The following PLPP3 variants were observed in gnomAD, a reference collection of about 807,000 sequenced individuals.
PLPP3 encodes PAP2 beta.
A neutral mutation model predicts 29.6 loss-of-function variants in PLPP3; 6 were observed. The observed-to-expected ratio is 0.20, with a 90% confidence interval of 0.11 to 0.40. PLPP3 has a LOEUF of 0.40. Ranked by LOEUF, PLPP3 falls within the 10% of genes least tolerant of loss-of-function variation. The pLI is 1.00. For synonymous variants in PLPP3, 152 were observed against 159.7 expected (o/e 0.95, Z 0.36); for missense variants, 308 against 407.7 (o/e 0.76, Z 2.11).
In PLPP3 at chr1:56,496,335, G is replaced by A; in HGVS notation, c.*216C>T. The A allele has an allele frequency of 2.1e-6, 1 of 481,668 alleles. No individual in the cohort carries two copies. The highest frequency in any genetic ancestry group is 2.3e-5 in the South Asian group (1 of 43,994). The allele number at this position is 481,668 out of a possible 1,614,324, so 29.8% of individuals were successfully genotyped here. A position where few individuals can be genotyped will look rare whatever the true frequency, so the allele number is the denominator to read the frequency against. On this transcript the variant is annotated 3_prime_UTR_variant, in exon 6 of 6. Transcript: ENST00000371250. ...AACACTTAAACCAATTGCACATCCAGGACTCTGGCACTTGGTGTTAGTTTG... is the reference window on the plus strand; with the variant it reads ...AACACTTAAACCAATTGCACATCCAAGACTCTGGCACTTGGTGTTAGTTTG...
intron 1 of PLPP3, among the ~76,000 whole-genome samples, chr1:56,566,234 C>T (rs530832175): frequency 1.3e-5 from 2 of 152,116 alleles, no homozygotes; most frequent in Non-Finnish European, 2.9e-5. Context: ...GTTGCCAATG[C>T]GAAAGCCAGC....
In PLPP3 at chr1:56,509,521, T is replaced by A. The variant is rs557546767; in HGVS notation, c.810+2455A>T. Among the ~76,000 whole-genome samples, 8 of 152,188 alleles carry A rather than the reference T, an allele frequency of 5.3e-5. No individual in the cohort carries two copies. The South Asian group carries it at 1.7e-3, about 32-fold the overall frequency. ...AGTTACTTCTGTAAAATGGCTGTAG[T>A]ACAATGGCTTAATGTGACTAAAAGA... On this transcript the variant is annotated intron_variant, in intron 5 of 5. Coordinates refer to ENST00000371250, the MANE Select transcript of PLPP3 (RefSeq NM_003713.5).
rs1273479431 is a variant in PLPP3 at position 56,495,286 on chromosome 1, C to T, written c.*1265G>A. On this transcript the variant is annotated 3_prime_UTR_variant, in exon 6 of 6. Transcript: ENST00000371250. ...CAAGATCTAAACGCATTTCTTCCTT[C>T]CTCCTTTCCTCAAAGGTTCAGTAGA... is the stretch of plus-strand genomic sequence containing the variant. 1 of 152,598 alleles carries T rather than the reference C, an allele frequency of 6.6e-6. No homozygotes were observed. The highest frequency in any genetic ancestry group is 1.9e-4 in the East Asian group (1 of 5,186). The allele number at this position is 152,598 out of a possible 1,614,324, so 9.5% of individuals were successfully genotyped here.
intron 2 of PLPP3, among the ~76,000 whole-genome samples, chr1:56,530,161 A>C (rs1645878102): frequency 6.7e-6 from 1 of 148,482 alleles, no homozygotes. Flanking sequence ...ATATCACACC[A>C]CCATGCTTTT....
intron 1 of PLPP3, chr1:56,538,902 C>T (rs1645948174): frequency 9.0e-6 from 1 of 111,614 alleles, no homozygotes. Flanking sequence ...CGTATGAACT[C>T]ATGGCATAGT....
intron 1 of PLPP3, among the ~76,000 whole-genome samples, chr1:56,555,414 G>A (rs1646068058): frequency 8.5e-6 from 1 of 117,328 alleles, no homozygotes; most frequent in South Asian, 2.7e-4. Context: ...ACTTATGCAG[G>A]AGAAGGAAGG....
intron 1 of PLPP3, among the ~76,000 whole-genome samples, chr1:56,541,449 A>G (rs1202572682): frequency 6.6e-6 from 1 of 152,212 alleles, no homozygotes. Flanking sequence ...GGGTCCCCAT[A>G]TAAACTATTG....
At chr1:56,555,054 T>C (rs1395208169) in intron 1 of PLPP3, among the ~76,000 whole-genome samples, 2 of 152,180 alleles carry the variant, frequency 1.3e-5, no homozygotes, top group African/African-American at 2.4e-5. Flanking sequence ...TTTGTATTCA[T>C]GTGAGGAAAT....
intron 1 of PLPP3, chr1:56,538,363 G>A: frequency 3.4e-6 from 1 of 293,834 alleles, no homozygotes; most frequent in Non-Finnish European, 6.8e-6. Context: ...AAAAGGACCA[G>A]TTCTTTTACA....
At chr1:56,551,180 C>T (rs1450980935) in intron 1 of PLPP3, among the ~76,000 whole-genome samples, 1 of 152,158 alleles carries the variant, frequency 6.6e-6, no homozygotes, top group Non-Finnish European at 1.5e-5. Context: ...CAGATGTACA[C>T]AGGTATCCTT....
At chr1:56,571,173 T>C (rs1646195147) in intron 1 of PLPP3, among the ~76,000 whole-genome samples, 1 of 152,202 alleles carries the variant, frequency 6.6e-6, no homozygotes, top group Admixed American at 6.5e-5. Context: ...TCACTGTCAC[T>C]GGACAATTAC....
intron 1 of PLPP3, among the ~76,000 whole-genome samples, chr1:56,550,488 G>C (rs1646031045): frequency 1.3e-5 from 2 of 152,118 alleles, no homozygotes; most frequent in African/African-American, 2.4e-5. Context: ...TTCTCTCAGA[G>C]GGACAGAATG....
At chr1:56,551,299 C>CTTT (rs1396422800) in intron 1 of PLPP3, among the ~76,000 whole-genome samples, 7 of 138,698 alleles carry the variant, frequency 5.0e-5, no homozygotes, top group African/African-American at 8.0e-5. Context: ...TGGTTCGGTT[C>CTTT]GGTTCGGTTC....
rs2100249587 is a variant in PLPP3 at position 56,524,282 on chromosome 1, T to C, written c.570A>G (p.Glu190=). ...ATGCGGAGGTGGTGTCTCACCTGGC[T>C]TCCTGGACTTTGCTGTCATCACCTC... ...RCRGDDSKVQ[E]ARKSFFSGHA... Residue 190 remains glutamate, a synonymous_variant, in exon 3 of 6, where the codon GAA becomes GAG. Coordinates refer to ENST00000371250, the MANE Select transcript of PLPP3 (RefSeq NM_003713.5). This position sits in a 1 kb window ranked among gnomAD's most constrained non-coding sequence, Gnocchi z 4.3. 6.2e-7 allele frequency: 1 copy of C among 1,613,352 alleles called. No homozygotes were observed. Among genetic ancestry groups the C allele is most frequent in the East Asian group, 2.2e-5 (1 of 44,864 alleles).
intron 1 of PLPP3, among the ~76,000 whole-genome samples, chr1:56,537,404 C>A (rs1247217761): frequency 6.6e-6 from 1 of 152,084 alleles, no homozygotes; most frequent in Non-Finnish European, 1.5e-5. Flanking sequence ...CACTGTTCTA[C>A]AATACCCTGC....
At chr1:56,525,493 T>C (rs1417228092) in intron 2 of PLPP3, among the ~76,000 whole-genome samples, 1 of 152,198 alleles carries the variant, frequency 6.6e-6, no homozygotes, top group Non-Finnish European at 1.5e-5. Context: ...ACATTGCTTT[T>C]ATATTCTTTA....
chr1:56,504,293 GC>G lies in PLPP3; in HGVS notation c.811-7618del, dbSNP rs1172253960. Among the ~76,000 whole-genome samples, 5 of 152,166 alleles carry G rather than the reference GC, an allele frequency of 3.3e-5. No individual in the cohort carries two copies. The East Asian group carries it at 9.7e-4, about 29-fold the overall frequency. On this transcript the variant is annotated intron_variant, in intron 5 of 5. Transcript: ENST00000371250. ...CAGCCTGGGCAACATAGGAAGACCC[GC>G]CCCCGCCCTTTAAAGAAAGTTGTGG...
intron 4 of PLPP3, among the ~76,000 whole-genome samples, chr1:56,515,427 C>G (rs1051266717): frequency 6.6e-6 from 1 of 152,142 alleles, no homozygotes; most frequent in African/African-American, 2.4e-5. Flanking sequence ...GGGCGTGTTT[C>G]CCAACCGGAC....
chr1:56,532,978 C>T (rs1284923617), intron 2 of PLPP3, among the ~76,000 whole-genome samples: 2 of 151,874 alleles, frequency 1.3e-5, no homozygotes, highest in African/African-American at 4.8e-5. Flanking sequence ...GAGAAATGTC[C>T]GCCTGGTGTT....
Sources: gnomAD v4.1 joint callset for allele counts (sites outside exome capture counted in the v4.1 genomes callset) on GRCh38, gnomAD v4.1.1 for gene constraint, Gnocchi (gnomAD v3.1) non-coding constraint, MANE v1.5 for transcripts, NCBI Gene and HGNC (gene_info 2026-07-23, HGNC 2026-07-21) for gene names.